NUP98: variants seen among roughly 807,000 people sequenced by gnomAD.
The protein encoded by NUP98 is nuclear pore complex protein Nup98-Nup96.
A neutral mutation model predicts 191.9 loss-of-function variants in NUP98; 26 were observed. That is an observed-to-expected ratio of 0.14 (90% CI 0.10 to 0.19). NUP98 has a LOEUF of 0.19. Ranked by LOEUF, NUP98 falls within the 10% of genes least tolerant of loss-of-function variation. NUP98 has a pLI of 1.00. For synonymous variants in NUP98, 808 were observed against 778.4 expected (o/e 1.04, Z -0.63); for missense variants, 1,941 against 2,178.8 (o/e 0.89, Z 2.17).
chr11:3,742,719 A>G (rs2080330196), intron 12 of NUP98, among the ~76,000 whole-genome samples: 1 of 139,876 alleles, frequency 7.1e-6, no homozygotes, highest in Non-Finnish European at 1.6e-5. Context: ...AAAAAAAAAA[A>G]GATGAGAAAA....
intron 25 of NUP98, among the ~76,000 whole-genome samples, chr11:3,697,477 A>G (rs1467406961): frequency 6.6e-6 from 1 of 152,132 alleles, no homozygotes; most frequent in East Asian, 1.9e-4. Flanking sequence ...GGATCTGATC[A>G]TATTAGATTA....
intron 17 of NUP98, 151 bp from the exon 18 acceptor site, chr11:3,719,701 G>T: frequency 2.2e-6 from 1 of 452,432 alleles, no homozygotes; most frequent in African/African-American, 4.0e-5. Context: ...GTAAGAATGG[G>T]GACTTAGGGA....
chr11:3,686,049 T>A lies in NUP98; in HGVS notation c.4600A>T (p.Ser1534Cys). The change falls in exon 29 of 33, where the codon AGT becomes TGT. Residue 1534 changes from serine (S) to cysteine (C), a missense_variant. Ser to Cys is a moderately radical substitution (Grantham distance 112, BLOSUM62 -1). Around this residue, in one of 6 missense-constraint regions of NUP98, gnomAD observed 1,030 missense variants for 1,115.8 expected, o/e 0.92. Transcript: ENST00000324932. The stretch of plus-strand genomic sequence containing the variant: ...TCACTTTCAAGCTGGCCAGCGTAAC[T>A]GGCCTGTAGCACACCTTCACACTGC... ...SAQCEGVLQA[S>C]YAGQLESEGL... 1 of 1,614,198 alleles carries A rather than the reference T, an allele frequency of 6.2e-7. No homozygotes were observed. Among genetic ancestry groups the A allele is most frequent in the South Asian group, 1.1e-5 (1 of 91,082 alleles).
rs745408936 is a variant in NUP98, at chr11:3,776,032, G to T, written c.356-11C>A. 3.9e-5 allele frequency: 62 copies of T among 1,588,218 alleles called. No homozygotes were observed. Among genetic ancestry groups the T allele is most frequent in the Admixed American group, 2.9e-4 (16 of 54,724 alleles). On this transcript the variant is annotated splice_polypyrimidine_tract_variant and intron_variant, in intron 4 of 32. Transcript: ENST00000324932. ...TACTGGTTCCAAAATCTAAAAATAA[G>T]AAAGAAAAATGAGACGATAACAGTA...
chr11:3,713,972 C>G lies in NUP98; in HGVS notation c.2423G>C (p.Gly808Ala), dbSNP rs1306746950. The change falls in exon 19 of 33, where the codon GGA becomes GCA. Residue 808 changes from glycine to alanine, a missense_variant. Gly to Ala is a moderately conservative substitution (Grantham distance 60). This residue lies in a region of NUP98 where 95 missense variants were observed against 139.7 expected (regional missense o/e 0.68). Transcript: ENST00000324932. ...LNRKAEVTLD[G>A]VWPTDKTSRC... The stretch of plus-strand genomic sequence containing the variant: ...AGATGTTTTATCTGTTGGCCAAACT[C>G]CATCCAATGTAACTTCAGCCTTCCT... 16 of 1,613,940 alleles carry G rather than the reference C, an allele frequency of 9.9e-6. No individual in the cohort carries two copies. Among genetic ancestry groups the G allele is most frequent in the African/African-American group, 1.3e-5 (1 of 74,904 alleles).
At chr11:3,688,090 C>G (rs114947947) in intron 28 of NUP98, among the ~76,000 whole-genome samples, 1 of 150,234 alleles carries the variant, frequency 6.7e-6, no homozygotes, top group South Asian at 2.1e-4. Context: ...TGCCACTGAA[C>G]AGTATGCTTA....
rs773568462 is a variant in NUP98 at position 3,683,420 on chromosome 11, T to G, written c.4698A>C (p.Arg1566=). ...GCTGGCAGTGCCGGGTAAGCAGCTCTCGAACAGCCTTCTCACGTATGCTAC... is the reference window on the plus strand; with the variant it reads ...GCTGGCAGTGCCGGGTAAGCAGCTCGCGAACAGCCTTCTCACGTATGCTAC... ...DNSGIREKAV[R]ELLTRHCQLL... is the part of the protein sequence containing the mutation. Residue 1566 remains arginine, a synonymous_variant, in exon 30 of 33, where the codon CGA becomes CGC. Transcript: ENST00000324932. The G allele has an allele frequency of 6.2e-7, 1 of 1,614,166 alleles. No individual in the cohort carries two copies. The highest frequency in any genetic ancestry group is 8.5e-7 in the Non-Finnish European group (1 of 1,180,030).
intron 10 of NUP98, among the ~76,000 whole-genome samples, chr11:3,756,188 T>C (rs2080953188): frequency 6.6e-6 from 1 of 152,114 alleles, no homozygotes; most frequent in South Asian, 2.1e-4. Context: ...TCAAAAGGGA[T>C]CTTACAGTCC....
chr11:3,720,981 T>A (rs1193430570), intron 16 of NUP98, 156 bp from the exon 17 acceptor site: 14 of 431,568 alleles, frequency 3.2e-5, no homozygotes, highest in Non-Finnish European at 4.5e-5. Context: ...TGTGAGTGTG[T>A]GTGTGTGTGT....
chr11:3,682,968 G>C (rs1413298207), intron 30 of NUP98, among the ~76,000 whole-genome samples: 2 of 152,212 alleles, frequency 1.3e-5, no homozygotes, highest in South Asian at 2.1e-4. Context: ...AATAATATTA[G>C]CACACATCAA....
intron 12 of NUP98, among the ~76,000 whole-genome samples, chr11:3,736,638 A>G (rs967330607): frequency 1.3e-5 from 2 of 152,210 alleles, no homozygotes; most frequent in Admixed American, 6.5e-5. Flanking sequence ...AAACAAACAA[A>G]CAAAAAAGTT....
rs761370724 is a variant in NUP98 at position 3,782,119 on chromosome 11, T to A, written c.-2A>T. The A allele has an allele frequency of 1.9e-6, 3 of 1,607,030 alleles. No individual in the cohort carries two copies. The highest frequency in any genetic ancestry group is 1.7e-5 in the Admixed American group (1 of 58,996). ...TGTTCCAAATGATTTGTTAAACATC[T>A]TCAAAATGAGTCTTTGTTTCAGAAA... On this transcript the variant is annotated 5_prime_UTR_variant, in exon 2 of 33. It adds an upstream start codon to the 5' untranslated region. Transcript: ENST00000324932.
intron 11 of NUP98, among the ~76,000 whole-genome samples, chr11:3,751,806 C>T (rs1386306582): frequency 6.6e-6 from 1 of 152,068 alleles, no homozygotes; most frequent in Non-Finnish European, 1.5e-5. Context: ...TTGCAGTGAG[C>T]TGTGATCATG....
At chr11:3,692,995 G>A in intron 27 of NUP98, 1 of 417,636 alleles carries the variant, frequency 2.4e-6, no homozygotes, top group Non-Finnish European at 4.2e-6. Context: ...AAAGAAGTAA[G>A]ACAGCATTAG....
Position 3,782,097 on chromosome 11 carries a change from T to C in NUP98, c.21A>G (p.Gly7=), listed in dbSNP as rs1343281967. Residue 7 remains glycine, a synonymous_variant, in exon 2 of 33, where the codon GGA becomes GGG. Coordinates refer to ENST00000324932, the MANE Select transcript of NUP98 (RefSeq NM_016320.5). MFNKSF[G]TPFGGGTGGF... ...CACCTGTGCCACCCCCAAAGGGTGT[T>C]CCAAATGATTTGTTAAACATCTTCA... 6.2e-7 allele frequency: 1 copy of C among 1,612,230 alleles called. No homozygotes were observed. The highest frequency in any genetic ancestry group is 2.2e-5 in the East Asian group (1 of 44,798).
chr11:3,696,285 T>C (rs780657853), intron 25 of NUP98, among the ~76,000 whole-genome samples: 39 of 152,124 alleles, frequency 2.6e-4, no homozygotes, highest in South Asian at 8.3e-4. Flanking sequence ...GCAAATCACT[T>C]GGGGTCAGGA....
intron 30 of NUP98, among the ~76,000 whole-genome samples, chr11:3,680,373 C>T (rs1381045161): frequency 6.6e-6 from 1 of 152,200 alleles, no homozygotes; most frequent in Non-Finnish European, 1.5e-5. Context: ...GTCACATCTT[C>T]AGGCTCCATT....
At chr11:3,790,705 G>C (rs558336039) in intron 1 of NUP98, among the ~76,000 whole-genome samples, 1 of 152,030 alleles carries the variant, frequency 6.6e-6, no homozygotes, top group South Asian at 2.1e-4. Flanking sequence ...CACTTAAAAG[G>C]GTCCTTAATG....
Position 3,720,832 on chromosome 11 carries a change from C to CAAA in NUP98, c.2147-10_2147-8dup, listed in dbSNP as rs55821497. On this transcript the variant is annotated splice_polypyrimidine_tract_variant and splice_region_variant and intron_variant, in intron 16 of 32. Coordinates refer to ENST00000324932, the MANE Select transcript of NUP98 (RefSeq NM_016320.5). ...ACCTTAGTGAGAATAATACCTGTGA[C>CAAA]AAAAAAAAAAAAAAAAACAGAAAAA... The CAAA allele has an allele frequency of 0.013, 5,017 of 374,148 alleles. 13 individuals carry two copies. The highest frequency in any genetic ancestry group is 0.018 in the South Asian group (399 of 22,098). The allele number at this position is 374,148 out of a possible 1,614,324, so 23.2% of individuals were successfully genotyped here.
Sources: gnomAD v4.1 joint callset for allele counts (sites outside exome capture counted in the v4.1 genomes callset) on GRCh38, gnomAD v4.1.1 for gene constraint, gnomAD v4.1.1 regional missense constraint, MANE v1.5 for transcripts, NCBI Gene and HGNC (gene_info 2026-07-23, HGNC 2026-07-21) for gene names.